The following NLGN1 variants were observed in gnomAD, a reference collection of about 807,000 sequenced individuals.
NLGN1 encodes the protein neuroligin 1, also known as neuroligin-1.
In NLGN1, 12 loss-of-function variants were observed where a neutral mutation model predicts 65.5. The observed-to-expected ratio is 0.18, with a 90% CI of 0.12 to 0.30. The LOEUF (loss-of-function observed/expected upper bound fraction) is 0.30, where lower values mean the gene tolerates loss of function less well. NLGN1 is among the 10% of genes least tolerant of loss of function. NLGN1 has a pLI of 1.00. For synonymous variants in NLGN1, 350 were observed against 359.5 expected (o/e 0.97, Z 0.30); for missense variants, 750 against 1,007.1 (o/e 0.74, Z 3.46).
At position 173,745,539 on chromosome 3, in the gene NLGN1, C is replaced by T. The variant is rs62289940; in HGVS notation, c.494-62141C>T. The stretch of plus-strand genomic sequence containing the variant: ...AAAAGTTCAAGCAAACTTACAAACA[C>T]CCGTGTAGTATCAGTAATGAGAATA... On this transcript the variant is annotated intron_variant, in intron 3 of 6. Transcript: ENST00000457714. Among the ~76,000 whole-genome samples the T allele has an allele frequency of 6.4e-4, 97 of 151,894 alleles. 1 individual carries two copies. Among genetic ancestry groups the T allele is most frequent in the African/African-American group, 2.2e-3 (91 of 41,434 alleles).
intron 1 of NLGN1, among the ~76,000 whole-genome samples, chr3:173,421,844 T>A (rs1715114724): frequency 6.6e-6 from 1 of 152,150 alleles, no homozygotes; most frequent in African/African-American, 2.4e-5. Context: ...TGTTTTGTTT[T>A]TAGTTGCTAT....
intron 2 of NLGN1, among the ~76,000 whole-genome samples, chr3:173,586,927 T>G (rs1194791744): frequency 6.6e-6 from 1 of 152,182 alleles, no homozygotes; most frequent in Admixed American, 6.5e-5. Flanking sequence ...TTTAAACGGA[T>G]TTTAAAAAGA....
At chr3:174,242,807 C>G (rs966001311) in intron 4 of NLGN1, among the ~76,000 whole-genome samples, 1 of 152,154 alleles carries the variant, frequency 6.6e-6, no homozygotes, top group African/African-American at 2.4e-5. Flanking sequence ...CCATTCCCGC[C>G]CCCATCCATG....
intron 4 of NLGN1, among the ~76,000 whole-genome samples, chr3:173,876,664 T>G (rs1732160002): frequency 6.6e-6 from 1 of 151,882 alleles, no homozygotes; most frequent in South Asian, 2.1e-4. Flanking sequence ...AAGAGAAAAA[T>G]GGGGCATTTC....
At chr3:173,477,947 T>G (rs1009929774) in intron 2 of NLGN1, among the ~76,000 whole-genome samples, 1 of 152,212 alleles carries the variant, frequency 6.6e-6, no homozygotes, top group South Asian at 2.1e-4. Context: ...GCTTTTATAC[T>G]GTTGGTGTGA....
chr3:173,474,786 C>T (rs943767921), intron 2 of NLGN1, among the ~76,000 whole-genome samples: 1 of 151,898 alleles, frequency 6.6e-6, no homozygotes, highest in South Asian at 2.1e-4. Flanking sequence ...GGTGAAACCC[C>T]GTATCTACTA....
At chr3:173,677,727 A>T (rs1181081981) in intron 3 of NLGN1, among the ~76,000 whole-genome samples, 2 of 152,140 alleles carry the variant, frequency 1.3e-5, no homozygotes, top group East Asian at 3.9e-4. Flanking sequence ...TACCATAAAT[A>T]AACTGTCTAT....
rs528345868 is a variant in NLGN1, at chr3:174,130,873, A to G, written c.647-144442A>G. On this transcript the variant is annotated intron_variant, in intron 4 of 6. Transcript: ENST00000457714. The stretch of plus-strand genomic sequence containing the variant: ...GATCATTCTTCAGTTAATGGCAGAA[A>G]CTACTTGCTAGCAATTGTGTACTGC... Among the ~76,000 whole-genome samples the G allele has an allele frequency of 9.9e-5, 15 of 152,276 alleles. No individual in the cohort carries two copies. In the South Asian group the frequency reaches 2.9e-3, roughly 30 times the overall value.
intron 2 of NLGN1, among the ~76,000 whole-genome samples, chr3:173,591,389 A>G (rs556617214): frequency 1.3e-5 from 2 of 152,300 alleles, no homozygotes; most frequent in African/African-American, 4.8e-5. Context: ...TCACTGGTTG[A>G]GCTCTAAGCC....
At chr3:173,409,111 G>A (rs568577448) in intron 1 of NLGN1, among the ~76,000 whole-genome samples, 2 of 152,050 alleles carry the variant, frequency 1.3e-5, no homozygotes, top group Non-Finnish European at 2.9e-5. Context: ...AAGAGTATGG[G>A]TGGTGCTGCT....
chr3:173,828,075 T>C (rs1288343551), intron 4 of NLGN1, among the ~76,000 whole-genome samples: 1 of 152,132 alleles, frequency 6.6e-6, no homozygotes, highest in African/African-American at 2.4e-5. Flanking sequence ...CATTACTCCA[T>C]ATTAATATTC....
chr3:173,822,783 G>T (rs1034862123), intron 4 of NLGN1, among the ~76,000 whole-genome samples: 1 of 151,902 alleles, frequency 6.6e-6, no homozygotes, highest in Admixed American at 6.6e-5. Flanking sequence ...AGAGATAATT[G>T]ACTTATTTTT....
intron 4 of NLGN1, among the ~76,000 whole-genome samples, chr3:173,937,909 T>A (rs1745332349): frequency 1.3e-5 from 2 of 152,176 alleles, no homozygotes; most frequent in Non-Finnish European, 2.9e-5. Flanking sequence ...TTTCAAAATT[T>A]AAAATGTAAT....
chr3:173,523,386 A>T (rs1216437680), intron 2 of NLGN1, among the ~76,000 whole-genome samples: 1 of 151,668 alleles, frequency 6.6e-6, no homozygotes, highest in Non-Finnish European at 1.5e-5. Context: ...TTATAGTTTC[A>T]GGTATTATGT....
chr3:174,088,620 G>A (rs1044895654), intron 4 of NLGN1, among the ~76,000 whole-genome samples: 1 of 151,740 alleles, frequency 6.6e-6, no homozygotes, highest in Non-Finnish European at 1.5e-5. Flanking sequence ...GGGCGCGGTG[G>A]CAGGTGCCTG....
intron 3 of NLGN1, among the ~76,000 whole-genome samples, chr3:173,650,595 C>T (rs77433430): frequency 0.014 from 2,114 of 152,156 alleles, 51 homozygotes; most frequent in African/African-American, 0.048. Context: ...TGAGTGGTGT[C>T]TATATGGTTT....
At chr3:174,247,052 A>G (rs921131889) in intron 4 of NLGN1, among the ~76,000 whole-genome samples, 17 of 152,226 alleles carry the variant, frequency 1.1e-4, no homozygotes, top group Admixed American at 9.2e-4. Context: ...GTATCTCCAA[A>G]TCTTAAGGTT....
At chr3:173,792,042 T>C (rs1159685645) in intron 3 of NLGN1, among the ~76,000 whole-genome samples, 2 of 152,182 alleles carry the variant, frequency 1.3e-5, no homozygotes, top group Admixed American at 6.6e-5. Context: ...GGGCAGAGAA[T>C]TGTGTCCCCG....
intron 2 of NLGN1, among the ~76,000 whole-genome samples, chr3:173,510,924 A>G (rs17320430): frequency 0.037 from 5,637 of 152,336 alleles, 108 homozygotes; most frequent in African/African-American, 0.052. Flanking sequence ...TCGCGAGATT[A>G]AGGTTTTCCT....
Sources: allele counts gnomAD v4.1 joint callset (sites outside exome capture counted in the v4.1 genomes callset), GRCh38; gene constraint gnomAD v4.1.1; transcripts MANE v1.5; gene names NCBI Gene and HGNC (gene_info 2026-07-23, HGNC 2026-07-21).